The following PRKCE variants were observed in gnomAD, a reference collection of about 807,000 sequenced individuals.
PRKCE encodes protein kinase C epsilon.
In PRKCE, 16 loss-of-function variants were observed where a neutral mutation model predicts 85.4. That is an observed-to-expected ratio of 0.19 (90% confidence interval 0.13 to 0.28). The LOEUF is 0.28. Among genes scored for constraint, PRKCE ranks in the 10% least tolerant of loss-of-function variants. PRKCE has a pLI of 1.00. For synonymous variants in PRKCE, 388 were observed against 371.5 expected, an observed-to-expected ratio of 1.04 and a Z score of -0.51; for missense variants, 573 against 975.2, an observed-to-expected ratio of 0.59 and a Z score of 5.49.
intron 11 of PRKCE, among the ~76,000 whole-genome samples, chr2:46,140,996 A>G (rs1248662818): frequency 2.6e-5 from 4 of 152,160 alleles, no homozygotes; most frequent in African/African-American, 7.2e-5. Flanking sequence ...ATAATATACC[A>G]TGTTGGGAAA....
intron 2 of PRKCE, among the ~76,000 whole-genome samples, chr2:45,960,747 A>C (rs188145268): frequency 6.6e-6 from 1 of 152,154 alleles, no homozygotes; most frequent in Non-Finnish European, 1.5e-5. Flanking sequence ...TTTTCAGTGG[A>C]TTTTATCTTT....
At chr2:46,152,219 A>G (rs1029998319) in intron 13 of PRKCE, among the ~76,000 whole-genome samples, 10 of 151,570 alleles carry the variant, frequency 6.6e-5, no homozygotes, top group Non-Finnish European at 1.5e-4. Flanking sequence ...TCTCACTGCA[A>G]TGGCCAGGCT....
At position 45,935,052 on chromosome 2, in the gene PRKCE, C is replaced by T. The variant is rs191162476; in HGVS notation, c.413-41377C>T. On this transcript the variant is annotated intron_variant, in intron 2 of 14. Transcript: ENST00000306156. ...CTCCAGCCTGGGCAGCAAAGCGAGA[C>T]ACTCACTCTCTCTCTCACACACACA... Among the ~76,000 whole-genome samples, 8 of 126,840 alleles carry T rather than the reference C, an allele frequency of 6.3e-5. No homozygotes were observed. In the East Asian group the frequency reaches 1.3e-3, roughly 20 times the overall value. 83.2% of individuals were successfully genotyped at this position (126,840 alleles called of 152,430 possible). A position where few individuals can be genotyped will look rare whatever the true frequency, so the allele number is the denominator to read the frequency against.
chr2:46,123,961 T>C (rs1265042707), intron 11 of PRKCE, among the ~76,000 whole-genome samples: 10 of 152,254 alleles, frequency 6.6e-5, no homozygotes, highest in Admixed American at 5.9e-4. Flanking sequence ...GTGCCAGCAG[T>C]TGGCATGTGT....
At chr2:46,011,066 A>G (rs1249145659) in intron 10 of PRKCE, 11 of 663,248 alleles carry the variant, frequency 1.7e-5, no homozygotes, top group East Asian at 4.6e-5. Flanking sequence ...AAGATAATCC[A>G]TAACTCCATG....
intron 5 of PRKCE, among the ~76,000 whole-genome samples, chr2:45,981,245 C>T (rs1702869050): frequency 6.6e-6 from 1 of 152,168 alleles, no homozygotes; most frequent in Admixed American, 6.5e-5. Context: ...TAGGTATTAT[C>T]AGAACACTTG....
intron 1 of PRKCE, among the ~76,000 whole-genome samples, chr2:45,714,831 C>T (rs539851475): frequency 7.2e-5 from 11 of 152,166 alleles, no homozygotes; most frequent in Non-Finnish European, 1.0e-4. Flanking sequence ...CTGTATCCCT[C>T]GGAACCAAGG....
At chr2:46,136,781 G>C (rs528602376) in intron 11 of PRKCE, among the ~76,000 whole-genome samples, 1 of 152,110 alleles carries the variant, frequency 6.6e-6, no homozygotes, top group Non-Finnish European at 1.5e-5. Flanking sequence ...TTGTGTTTCC[G>C]TGCACAGTGT....
rs557772883 is a variant in PRKCE at position 45,655,162 on chromosome 2, T to C, written c.348+2714T>C. Among the ~76,000 whole-genome samples, 4 of 152,138 alleles carry C rather than the reference T, an allele frequency of 2.6e-5. No individual in the cohort carries two copies. The East Asian group carries it at 7.7e-4, about 29-fold the overall frequency. ...CAGGGAAGCTTCTCACTGTGGGCCA[T>C]CCAGAGGAAAATGAGGCCCTGGGTT... On this transcript the variant is annotated intron_variant, in intron 1 of 14. Coordinates refer to ENST00000306156, the MANE Select transcript of PRKCE (RefSeq NM_005400.3).
intron 14 of PRKCE, among the ~76,000 whole-genome samples, chr2:46,172,469 G>A (rs1195611651): frequency 6.7e-6 from 1 of 150,370 alleles, no homozygotes; most frequent in Non-Finnish European, 1.5e-5. Context: ...ATAGGTGTGG[G>A]CCTGGGCAGG....
At chr2:45,711,971 C>G (rs550204685) in intron 1 of PRKCE, among the ~76,000 whole-genome samples, 38 of 151,812 alleles carry the variant, frequency 2.5e-4, no homozygotes, top group Non-Finnish European at 5.2e-4. Flanking sequence ...GGAGGCAGGA[C>G]AAATACTCCT....
chr2:45,734,429 C>T (rs571639774), intron 1 of PRKCE, among the ~76,000 whole-genome samples: 2 of 151,782 alleles, frequency 1.3e-5, no homozygotes, highest in African/African-American at 2.4e-5. Flanking sequence ...CCTGATTTTA[C>T]GTAATGCTTG....
chr2:45,680,805 C>T (rs1332188645), intron 1 of PRKCE, among the ~76,000 whole-genome samples: 1 of 152,134 alleles, frequency 6.6e-6, no homozygotes, highest in Non-Finnish European at 1.5e-5. Context: ...TTAACAAAAA[C>T]CAGATGAACA....
chr2:45,976,857 C>CTGTGTGTGTGTG (rs56287103), intron 3 of PRKCE, among the ~76,000 whole-genome samples: 11 of 135,054 alleles, frequency 8.1e-5, no homozygotes, highest in South Asian at 2.6e-4. Context: ...GATATTGTGA[C>CTGTGTGTGTGTG]TGTGTGTGTG....
intron 13 of PRKCE, among the ~76,000 whole-genome samples, chr2:46,157,686 CA>C (rs1677350904): frequency 6.6e-6 from 1 of 152,220 alleles, no homozygotes; most frequent in Non-Finnish European, 1.5e-5. Flanking sequence ...GCCTCTGGCT[CA>C]GGGGCAGCTT....
chr2:45,801,078 G>A (rs1027313399), intron 1 of PRKCE, among the ~76,000 whole-genome samples: 3 of 152,168 alleles, frequency 2.0e-5, no homozygotes, highest in African/African-American at 4.8e-5. Flanking sequence ...CAGAGAGGTG[G>A]TGGCAGCACT....
intron 14 of PRKCE, among the ~76,000 whole-genome samples, chr2:46,179,933 T>A (rs1452148097): frequency 6.6e-6 from 1 of 152,148 alleles, no homozygotes. Flanking sequence ...CGTTACTGGC[T>A]CTAGATAAAG....
chr2:45,941,050 A>G (rs1573961012), intron 2 of PRKCE, among the ~76,000 whole-genome samples: 2 of 129,638 alleles, frequency 1.5e-5, no homozygotes. Context: ...TGGGTGACAG[A>G]GTGAGACTTC....
At chr2:46,172,968 A>G (rs1679065110) in intron 14 of PRKCE, among the ~76,000 whole-genome samples, 1 of 152,230 alleles carries the variant, frequency 6.6e-6, no homozygotes, top group Non-Finnish European at 1.5e-5. Context: ...CCCTTGGAGA[A>G]TCTGATACAG....
Sources: gnomAD v4.1 joint callset for allele counts (sites outside exome capture counted in the v4.1 genomes callset) on GRCh38, gnomAD v4.1.1 for gene constraint, MANE v1.5 for transcripts, NCBI Gene and HGNC (gene_info 2026-07-23, HGNC 2026-07-21) for gene names.